DIP2C: variants seen among roughly 807,000 people sequenced by gnomAD.
DIP2C encodes DIP2 acetate--CoA ligase C (putative), also known as disco-interacting protein 2 homolog C.
In DIP2C, 33 loss-of-function variants were observed where a neutral mutation model predicts 192.4. The ratio of observed to expected loss-of-function variants is 0.17; its 90% confidence interval spans 0.13 to 0.23. The LOEUF is 0.23. Ranked by LOEUF, DIP2C falls within the 10% of genes least tolerant of loss-of-function variation. DIP2C has a pLI of 1.00. For missense variants in DIP2C, 1,537 were observed against 2,110.1 expected (o/e 0.73, Z 5.32); for synonymous variants, 979 against 864.1 (o/e 1.13, Z -2.33).
intron 24 of DIP2C, 75 bp downstream of exon 24, chr10:356,351 A>C (rs1959080728): frequency 1.2e-5 from 18 of 1,510,172 alleles, no homozygotes; most frequent in Non-Finnish European, 1.5e-5. Context: ...TCAAAGAAAG[A>C]AGCAGGAGCG....
At chr10:325,519 T>TG (rs1337099081) in intron 31 of DIP2C, among the ~76,000 whole-genome samples, 4 of 152,126 alleles carry the variant, frequency 2.6e-5, no homozygotes, top group African/African-American at 9.7e-5. Flanking sequence ...CACAAATCAC[T>TG]GATTTCCTCT....
At chr10:284,533 G>C (rs1478225418) in intron 34 of DIP2C, among the ~76,000 whole-genome samples, 1 of 152,208 alleles carries the variant, frequency 6.6e-6, no homozygotes, top group African/African-American at 2.4e-5. Context: ...CACTCATGTG[G>C]AATCTAAAAA....
chr10:664,484 G>A (rs1339909177), intron 1 of DIP2C: 5 of 152,118 alleles, frequency 3.3e-5, no homozygotes, highest in Admixed American at 6.6e-5. Context: ...GTCCCTTTTC[G>A]TAACACTGGC....
chr10:530,191 G>A lies in DIP2C; in HGVS notation c.86-43661C>T, dbSNP rs181522016. Among the ~76,000 whole-genome samples, 289 of 152,326 alleles carry A rather than the reference G, an allele frequency of 1.9e-3. 2 individuals are homozygous for A. The South Asian group carries it at 0.042, about 22-fold the overall frequency. On this transcript the variant is annotated intron_variant, in intron 1 of 36. Coordinates refer to ENST00000280886, the MANE Select transcript of DIP2C (RefSeq NM_014974.3). ...TGCTTCCCGTGAGGAGATGCAGCAC[G>A]TGAGCACAGATCAAAGGGTGTCAGC... is the stretch of plus-strand genomic sequence containing the variant.
chr10:554,137 GAA>G (rs1848725749), intron 1 of DIP2C, among the ~76,000 whole-genome samples: 1 of 151,440 alleles, frequency 6.6e-6, no homozygotes, highest in Non-Finnish European at 1.5e-5. Context: ...CATCTTAGGA[GAA>G]AAGGTACAGC....
chr10:496,338 G>GC (rs1368265194), intron 1 of DIP2C, among the ~76,000 whole-genome samples: 2 of 135,362 alleles, frequency 1.5e-5, no homozygotes, highest in Admixed American at 7.5e-5. Context: ...ACCAATGCAT[G>GC]CCCTCCCGTG....
intron 2 of DIP2C, among the ~76,000 whole-genome samples, chr10:477,190 A>G (rs1328541260): frequency 6.9e-6 from 1 of 145,308 alleles, no homozygotes; most frequent in Non-Finnish European, 1.5e-5. Context: ...AAGTCAGCAA[A>G]GAATAGACAA....
At chr10:494,409 T>G (rs1232542592) in intron 1 of DIP2C, among the ~76,000 whole-genome samples, 1 of 152,170 alleles carries the variant, frequency 6.6e-6, no homozygotes, top group Non-Finnish European at 1.5e-5. Context: ...TCAAGCATTA[T>G]CTTCCTATTT....
At chr10:605,345 G>C (rs957575428) in intron 1 of DIP2C, among the ~76,000 whole-genome samples, 1 of 152,190 alleles carries the variant, frequency 6.6e-6, no homozygotes, top group Non-Finnish European at 1.5e-5. Context: ...ACAGATTCCA[G>C]ATTCACTACA....
intron 1 of DIP2C, among the ~76,000 whole-genome samples, chr10:510,417 C>G (rs946384616): frequency 2.0e-5 from 3 of 152,230 alleles, no homozygotes; most frequent in African/African-American, 7.2e-5. Context: ...TTAGCCTGAA[C>G]GTGCACGTAC....
At chr10:522,729 T>C (rs1846790852) in intron 1 of DIP2C, among the ~76,000 whole-genome samples, 2 of 152,250 alleles carry the variant, frequency 1.3e-5, no homozygotes, top group African/African-American at 4.8e-5. Context: ...AGGTGGTTCA[T>C]TTTCTTATTA....
Position 348,703 on chromosome 10 carries a change from C to T in DIP2C, c.3169G>A (p.Val1057Ile), listed in dbSNP as rs1016127296. The T allele has an allele frequency of 2.7e-5, 44 of 1,613,860 alleles. No individual in the cohort carries two copies. The highest frequency in any genetic ancestry group is 6.7e-5 in the Admixed American group (4 of 59,960). The change falls in exon 26 of 37, where the codon GTC (valine) becomes ATC (isoleucine). Residue 1057 changes from valine to isoleucine, a missense_variant. By Grantham distance (29) the Val-to-Ile change is conservative. Coordinates refer to ENST00000280886, the MANE Select transcript of DIP2C (RefSeq NM_014974.3). ...CLYAGCVPIT[V>I]RPPHPQNIAT... ...ATGTTCTGTGGGTGCGGGGGACGGA[C>T]GGTTATTGGCACACAGCCTGCGTAC...
At chr10:417,606 A>AAATAGGCC (rs1965732979) in intron 6 of DIP2C, among the ~76,000 whole-genome samples, 5 of 143,816 alleles carry the variant, frequency 3.5e-5, no homozygotes, top group African/African-American at 1.3e-4. Context: ...TAGGATAGGC[A>AAATAGGCC]TCCCTGTCTG....
intron 3 of DIP2C, among the ~76,000 whole-genome samples, chr10:465,290 A>C (rs1385214297): frequency 1.0e-4 from 15 of 145,060 alleles, no homozygotes; most frequent in Admixed American, 2.8e-4. Flanking sequence ...CAAAAACCAC[A>C]TGATTATCTC....
intron 3 of DIP2C, among the ~76,000 whole-genome samples, chr10:453,633 C>CTA (rs1159965857): frequency 6.6e-6 from 1 of 152,016 alleles, no homozygotes; most frequent in East Asian, 1.9e-4. Flanking sequence ...GAAGATGATT[C>CTA]TAGTTTGGGA....
chr10:305,993 A>ATATATATATGTATG (rs958069491), intron 32 of DIP2C, among the ~76,000 whole-genome samples: 5 of 142,700 alleles, frequency 3.5e-5, no homozygotes, highest in African/African-American at 1.3e-4. Context: ...ATATATATAT[A>ATATATATATGTATG]TTATATTTTT....
rs995881983 is a variant in DIP2C at position 384,643 on chromosome 10, C to T, written c.1663-4G>A. Reference sequence around the variant, plus strand: ...CATGCATCATGTTCATGACGCTCTGCAATCAACAAAGGAACACGCAGGGTG... The same window carrying T: ...CATGCATCATGTTCATGACGCTCTGTAATCAACAAAGGAACACGCAGGGTG... On this transcript the variant is annotated splice_region_variant and splice_polypyrimidine_tract_variant and intron_variant, in intron 14 of 36. Transcript: ENST00000280886. 1.9e-6 allele frequency: 3 copies of T among 1,613,590 alleles called. No homozygotes were observed. The highest frequency in any genetic ancestry group is 2.7e-5 in the African/African-American group (2 of 74,928).
rs532295433 is a variant in DIP2C at position 512,131 on chromosome 10, G to T, written c.86-25601C>A. Among the ~76,000 whole-genome samples, 11 of 152,332 alleles carry T rather than the reference G, an allele frequency of 7.2e-5. No individual in the cohort carries two copies. In the East Asian group the frequency reaches 2.1e-3, roughly 29 times the overall value. ...AATGTCAACCTTCCTAAGCAATGTC[G>T]TGTTGACAATTTTTAACTGCAGTCC... On this transcript the variant is annotated intron_variant, in intron 1 of 36. Transcript: ENST00000280886.
intron 31 of DIP2C, among the ~76,000 whole-genome samples, chr10:315,307 T>C (rs1423252625): frequency 6.6e-6 from 1 of 152,256 alleles, no homozygotes; most frequent in Non-Finnish European, 1.5e-5. Context: ...TTCTTGTATT[T>C]ACTCTTTTCA....
Sources: gnomAD v4.1 joint callset for allele counts (sites outside exome capture counted in the v4.1 genomes callset) on GRCh38, gnomAD v4.1.1 for gene constraint, MANE v1.5 for transcripts, NCBI Gene and HGNC (gene_info 2026-07-23, HGNC 2026-07-21) for gene names.